Variants in CNTNAP2 observed in about 807,000 individuals in gnomAD.
The protein encoded by CNTNAP2 is contactin-associated protein-like 2.
Under a neutral mutation model 155.2 loss-of-function variants are expected in CNTNAP2, and 98 were observed. That is an observed-to-expected ratio of 0.63 (90% CI 0.54 to 0.75). The LOEUF is 0.75. Among genes scored for constraint, CNTNAP2 ranks in the 30% least tolerant of loss-of-function variants. CNTNAP2 has a pLI of 0.00. For missense variants in CNTNAP2, 1,727 were observed against 1,688.1 expected, an observed-to-expected ratio of 1.02 and a Z score of -0.40; for synonymous variants, 651 against 631.2, an observed-to-expected ratio of 1.03 and a Z score of -0.47.
intron 1 of CNTNAP2, among the ~76,000 whole-genome samples, chr7:146,761,723 C>T (rs1802104564): frequency 6.6e-6 from 1 of 152,020 alleles, no homozygotes; most frequent in African/African-American, 2.4e-5. Context: ...ACCTTGCCTC[C>T]TCCCTTTGTT....
chr7:147,738,559 G>A (rs1394500441), intron 13 of CNTNAP2, among the ~76,000 whole-genome samples: 1 of 151,770 alleles, frequency 6.6e-6, no homozygotes, highest in Non-Finnish European at 1.5e-5. Context: ...CATTTTTTTA[G>A]CAATGAAGCA....
intron 3 of CNTNAP2, among the ~76,000 whole-genome samples, chr7:146,927,304 C>T (rs1279154267): frequency 6.6e-6 from 1 of 152,064 alleles, no homozygotes; most frequent in Non-Finnish European, 1.5e-5. Context: ...AAGTTGAAAA[C>T]TGTATTTGCT....
chr7:146,695,293 A>G (rs1800763713), intron 1 of CNTNAP2, among the ~76,000 whole-genome samples: 1 of 152,214 alleles, frequency 6.6e-6, no homozygotes, highest in Non-Finnish European at 1.5e-5. Context: ...AGTTTTTATG[A>G]GAAATGTGTG....
intron 3 of CNTNAP2, among the ~76,000 whole-genome samples, chr7:147,009,577 G>A (rs373088909): frequency 1.3e-5 from 2 of 152,048 alleles, no homozygotes; most frequent in Non-Finnish European, 2.9e-5. Flanking sequence ...TTTTGAATTT[G>A]CAATTCAATT....
At chr7:146,449,147 A>G (rs899620195) in intron 1 of CNTNAP2, among the ~76,000 whole-genome samples, 5 of 151,990 alleles carry the variant, frequency 3.3e-5, no homozygotes, top group Non-Finnish European at 7.4e-5. Flanking sequence ...TTTGCTTATT[A>G]TATTTTCAGT....
chr7:147,266,684 G>C (rs1804618775), intron 8 of CNTNAP2, among the ~76,000 whole-genome samples: 1 of 152,070 alleles, frequency 6.6e-6, no homozygotes, highest in African/African-American at 2.4e-5. Flanking sequence ...GCCTATTGTT[G>C]GATTTAATCA....
At chr7:146,800,884 T>G (rs1802864444) in intron 2 of CNTNAP2, among the ~76,000 whole-genome samples, 1 of 151,902 alleles carries the variant, frequency 6.6e-6, no homozygotes, top group Admixed American at 6.6e-5. Context: ...GAGTAGAGAA[T>G]TTTTTCCCAC....
chr7:147,831,555 T>C (rs1308058358), intron 13 of CNTNAP2, among the ~76,000 whole-genome samples: 2 of 152,202 alleles, frequency 1.3e-5, no homozygotes, highest in Non-Finnish European at 2.9e-5. Context: ...CATGTCAGCA[T>C]CTTGCAAGAA....
At chr7:147,609,808 G>T (rs1216958988) in intron 12 of CNTNAP2, among the ~76,000 whole-genome samples, 1 of 152,010 alleles carries the variant, frequency 6.6e-6, no homozygotes, top group Non-Finnish European at 1.5e-5. Context: ...CACCCAAAAG[G>T]CCAGTGAGAT....
At chr7:147,804,204 GT>G (rs1798053308) in intron 13 of CNTNAP2, among the ~76,000 whole-genome samples, 1 of 152,276 alleles carries the variant, frequency 6.6e-6, no homozygotes, top group African/African-American at 2.4e-5. Flanking sequence ...ATGACTTGGA[GT>G]TTTTTCATAC....
At chr7:146,591,875 C>A (rs543050956) in intron 1 of CNTNAP2, among the ~76,000 whole-genome samples, 1 of 152,176 alleles carries the variant, frequency 6.6e-6, no homozygotes, top group Non-Finnish European at 1.5e-5. Context: ...CTGAATTCCT[C>A]TGAAACTTAA....
At chr7:146,248,277 G>A (rs1360269093) in intron 1 of CNTNAP2, among the ~76,000 whole-genome samples, 3 of 151,984 alleles carry the variant, frequency 2.0e-5, no homozygotes, top group Admixed American at 6.5e-5. Context: ...GGGGTTGGGG[G>A]TTTCTTGCCC....
At chr7:147,497,960 C>T (rs575787453) in intron 11 of CNTNAP2, among the ~76,000 whole-genome samples, 16 of 152,276 alleles carry the variant, frequency 1.1e-4, no homozygotes, top group Admixed American at 3.3e-4. Flanking sequence ...ATTTTCTGGA[C>T]TTCCACAAGG....
chr7:146,119,172 A>C (rs1397521907), intron 1 of CNTNAP2, among the ~76,000 whole-genome samples: 3 of 152,126 alleles, frequency 2.0e-5, no homozygotes, highest in Non-Finnish European at 4.4e-5. Flanking sequence ...CTCAACCAGG[A>C]GAGGTCATCA....
chr7:147,521,600 A>G (rs1799229753), intron 11 of CNTNAP2, among the ~76,000 whole-genome samples: 1 of 152,172 alleles, frequency 6.6e-6, no homozygotes, highest in Non-Finnish European at 1.5e-5. Flanking sequence ...TGGAGAATAT[A>G]AGCTGCTCTG....
At chr7:146,203,365 T>C (rs1160246882) in intron 1 of CNTNAP2, among the ~76,000 whole-genome samples, 3 of 152,156 alleles carry the variant, frequency 2.0e-5, no homozygotes, top group African/African-American at 7.2e-5. Context: ...TTCAGTTAAT[T>C]TATTAGAGCT....
intron 21 of CNTNAP2, among the ~76,000 whole-genome samples, chr7:148,277,453 C>G (rs912756299): frequency 2.0e-5 from 3 of 152,078 alleles, no homozygotes; most frequent in African/African-American, 7.2e-5. Flanking sequence ...CGTCAGCTAT[C>G]AAGCAGTGAG....
chr7:148,329,606 G>A (rs1484604747), intron 21 of CNTNAP2, among the ~76,000 whole-genome samples: 1 of 152,172 alleles, frequency 6.6e-6, no homozygotes, highest in Non-Finnish European at 1.5e-5. Context: ...GCAACCAAGG[G>A]GACCTGGAAA....
At chr7:146,562,561 A>G (rs1250608055) in intron 1 of CNTNAP2, among the ~76,000 whole-genome samples, 1 of 152,186 alleles carries the variant, frequency 6.6e-6, no homozygotes, top group Non-Finnish European at 1.5e-5. Flanking sequence ...TTAAAGAAAT[A>G]TTGATTAAAT....
Sources: gnomAD v4.1 joint callset for allele counts (sites outside exome capture counted in the v4.1 genomes callset) on GRCh38, gnomAD v4.1.1 for gene constraint, MANE v1.5 for transcripts, NCBI Gene and HGNC (gene_info 2026-07-23, HGNC 2026-07-21) for gene names.